The following JAK2 variants were observed in gnomAD, a reference collection of about 807,000 sequenced individuals.
JAK2 encodes tyrosine-protein kinase JAK2.
In JAK2, 86 loss-of-function variants were observed where a neutral mutation model predicts 139.3. The observed-to-expected ratio is 0.62, with a 90% CI of 0.52 to 0.74. The LOEUF (loss-of-function observed/expected upper bound fraction) is 0.74, where lower values mean the gene tolerates loss of function less well. Ranked by LOEUF, JAK2 falls within the 30% of genes least tolerant of loss-of-function variation. The probability of loss-of-function intolerance (pLI) is 0.00; values close to 1 mark genes in which losing one functional copy is unlikely to be tolerated. For missense variants in JAK2, 1,421 were observed against 1,360.3 expected (o/e 1.04, Z -0.70); for synonymous variants, 490 against 437.7 (o/e 1.12, Z -1.49).
chr9:4,989,865 T>A lies in JAK2; in HGVS notation c.-26+3843T>A, dbSNP rs112196741. On this transcript the variant is annotated intron_variant, in intron 2 of 24. Transcript: ENST00000381652. The stretch of plus-strand genomic sequence containing the variant: ...TTGTGTTAAAAATGTAGTTGGAATT[T>A]GATTATGGATGTCTTTAAATGCTAG... Among the ~76,000 whole-genome samples, 941 of 152,324 alleles carry A rather than the reference T, an allele frequency of 6.2e-3. 11 individuals are homozygous for A. The highest frequency in any genetic ancestry group is 0.022 in the African/African-American group (903 of 41,572).
chr9:5,126,618 G>A, intron 24 of JAK2, 66 bp from the exon 25 acceptor site: 1 of 1,161,338 alleles, frequency 8.6e-7, no homozygotes, highest in South Asian at 1.4e-5. Flanking sequence ...GAAAATTAAT[G>A]TCTTCCACCA....
Position 5,080,630 on chromosome 9 carries a change from T to C in JAK2, c.2381T>C (p.Phe794Ser), listed in dbSNP as rs561801024. 3 of 1,607,244 alleles carry C rather than the reference T, an allele frequency of 1.9e-6. No individual in the cohort carries two copies. The highest frequency in any genetic ancestry group is 2.5e-6 in the Non-Finnish European group (3 of 1,178,204). Residue 794 changes from phenylalanine (F) to serine (S), a missense_variant, in exon 18 of 25, where the codon TTC (phenylalanine) becomes TCC (serine). By Grantham distance (155) the Phe-to-Ser change is radical. Coordinates refer to ENST00000381652, the MANE Select transcript of JAK2 (RefSeq NM_004972.4). ...INNCMDYEPD[F>S]RPSFRAIIRD... The stretch of plus-strand genomic sequence containing the variant: ...AATTGTATGGATTATGAACCAGATT[T>C]CAGGCCTTCTTTCAGAGCCATCATA...
intron 14 of JAK2, among the ~76,000 whole-genome samples, chr9:5,075,099 G>C (rs926018689): frequency 2.0e-5 from 3 of 152,002 alleles, no homozygotes; most frequent in African/African-American, 7.3e-5. Context: ...ATTCTATGAA[G>C]GCTGAGAGAG....
chr9:5,105,481 G>A (rs199964215), intron 22 of JAK2, among the ~76,000 whole-genome samples: 7 of 152,164 alleles, frequency 4.6e-5, no homozygotes, highest in African/African-American at 1.2e-4. Flanking sequence ...TGAAAATGGC[G>A]ATACTGCCCA....
At chr9:5,055,605 G>T in intron 7 of JAK2, 64 bp from the exon 8 acceptor site, 2 of 1,277,606 alleles carry the variant, frequency 1.6e-6, no homozygotes, top group African/African-American at 1.5e-5. Flanking sequence ...GTCTTCTTAA[G>T]TCTTGTTTTA....
At chr9:5,071,622 G>C (rs989653183) in intron 12 of JAK2, among the ~76,000 whole-genome samples, 7 of 152,156 alleles carry the variant, frequency 4.6e-5, no homozygotes, top group African/African-American at 1.7e-4. Context: ...GCAGCAGTTA[G>C]GGAGAAAGAA....
At chr9:5,048,031 A>G (rs1817140787) in intron 5 of JAK2, among the ~76,000 whole-genome samples, 1 of 152,176 alleles carries the variant, frequency 6.6e-6, no homozygotes, top group South Asian at 2.1e-4. Context: ...TGAATAGTTT[A>G]TTATGTTTTT....
At chr9:5,099,566 A>C (rs1384475652) in intron 22 of JAK2, 1 of 152,218 alleles carries the variant, frequency 6.6e-6, no homozygotes, top group Non-Finnish European at 1.5e-5. Context: ...ATTAAAATGA[A>C]CGAAATCTAT....
intron 4 of JAK2, chr9:5,041,363 A>C (rs1439987663): frequency 4.8e-6 from 3 of 629,076 alleles, no homozygotes; most frequent in Non-Finnish European, 8.8e-6. Flanking sequence ...CATGAGCATC[A>C]ACATGCACCT....
intron 8 of JAK2, among the ~76,000 whole-genome samples, chr9:5,056,669 G>C (rs1383841942): frequency 6.6e-6 from 1 of 152,108 alleles, no homozygotes; most frequent in Non-Finnish European, 1.5e-5. Flanking sequence ...TCAGGGCCTA[G>C]TTTAGAAAAA....
intron 8 of JAK2, among the ~76,000 whole-genome samples, chr9:5,062,043 A>T (rs946776191): frequency 7.2e-5 from 11 of 152,186 alleles, no homozygotes; most frequent in African/African-American, 2.7e-4. Context: ...TCACCATCTT[A>T]TATAGGCCCA....
intron 19 of JAK2, among the ~76,000 whole-genome samples, chr9:5,088,897 G>C (rs147393264): frequency 7.4e-4 from 113 of 152,298 alleles, no homozygotes; most frequent in African/African-American, 2.6e-3. Context: ...TCCAAATACA[G>C]TCATATTGGG....
At chr9:5,032,035 C>A (rs1339857086) in intron 4 of JAK2, among the ~76,000 whole-genome samples, 1 of 152,178 alleles carries the variant, frequency 6.6e-6, no homozygotes, top group Non-Finnish European at 1.5e-5. Flanking sequence ...ACAGACGGCA[C>A]CTGGAAAATC....
chr9:5,126,522 T>C (rs1411275235), intron 24 of JAK2, 76 bp downstream of exon 24: 10 of 1,064,360 alleles, frequency 9.4e-6, no homozygotes, highest in Non-Finnish European at 1.4e-5. Flanking sequence ...GTTCACTTCC[T>C]GAAATTTAAT....
chr9:5,125,000 AT>A (rs1402671173), intron 23 of JAK2, among the ~76,000 whole-genome samples: 1 of 151,544 alleles, frequency 6.6e-6, no homozygotes, highest in Admixed American at 6.6e-5. Flanking sequence ...CTTTTATTAA[AT>A]CCAGTAAGCT....
At chr9:5,001,648 G>GT (rs1480097797) in intron 2 of JAK2, among the ~76,000 whole-genome samples, 1 of 146,766 alleles carries the variant, frequency 6.8e-6, no homozygotes, top group Admixed American at 6.7e-5. Flanking sequence ...TTTATGATGT[G>GT]TTTTTGCCAG....
intron 22 of JAK2, among the ~76,000 whole-genome samples, chr9:5,119,215 C>CA (rs1330996938): frequency 2.0e-5 from 3 of 152,022 alleles, no homozygotes; most frequent in African/African-American, 4.8e-5. Context: ...CAGAAAAACT[C>CA]AGACTTCATT....
intron 22 of JAK2, among the ~76,000 whole-genome samples, chr9:5,119,541 C>T (rs1823458427): frequency 6.6e-6 from 1 of 151,938 alleles, no homozygotes; most frequent in Non-Finnish European, 1.5e-5. Context: ...ATATATCTGG[C>T]ATAATTAATT....
chr9:5,070,914 A>G (rs536577698), intron 12 of JAK2, among the ~76,000 whole-genome samples: 7 of 152,318 alleles, frequency 4.6e-5, no homozygotes, highest in Non-Finnish European at 1.0e-4. Context: ...ACGAGTTAAA[A>G]GTGAGACTAT....
Sources: gnomAD v4.1 joint callset for allele counts (sites outside exome capture counted in the v4.1 genomes callset) on GRCh38, gnomAD v4.1.1 for gene constraint, MANE v1.5 for transcripts, NCBI Gene and HGNC (gene_info 2026-07-23, HGNC 2026-07-21) for gene names.